ACACB: variants seen among roughly 807,000 people sequenced by gnomAD.
ACACB encodes acetyl-CoA carboxylase beta.
In ACACB, 209 loss-of-function variants were observed where a neutral mutation model predicts 278.8. That is an observed-to-expected ratio of 0.75 (90% CI 0.67 to 0.84). The LOEUF (loss-of-function observed/expected upper bound fraction) is 0.84. ACACB is among the 40% of genes least tolerant of loss of function. ACACB has a pLI of 0.00. For missense variants in ACACB, 2,850 were observed against 3,269.0 expected, an observed-to-expected ratio of 0.87 and a Z score of 3.13; for synonymous variants, 1,174 against 1,285.6, an observed-to-expected ratio of 0.91 and a Z score of 1.86.
chr12:109,227,404 T>G lies in ACACB; in HGVS notation c.3916T>G (p.Leu1306Val). The G allele has an allele frequency of 6.2e-7, 1 of 1,613,486 alleles. No individual in the cohort carries two copies. The highest frequency in any genetic ancestry group is 8.5e-7 in the Non-Finnish European group (1 of 1,179,730). ...YVRRGYIAYE[L>V]NSLQHRQLPD... ...GCGGAGGGGCTACATCGCCTATGAG[T>G]TAAACAGCCTGCAGCACCGGCAGCT... The change falls in exon 28 of 53, where the codon TTA (leucine) becomes GTA (valine). Residue 1306 changes from leucine (L) to valine (V), a missense_variant. By Grantham distance (32) the Leu-to-Val change is conservative. This residue lies in a region of ACACB where 2,265 missense variants were observed against 2,561.3 expected (regional missense o/e 0.88). Transcript: ENST00000338432.
At position 109,258,981 on chromosome 12, in the gene ACACB, G is replaced by A. The variant is rs1341282038; in HGVS notation, c.6369G>A (p.Gln2123=). The A allele has an allele frequency of 6.2e-7, 1 of 1,614,094 alleles. No individual in the cohort carries two copies. Among genetic ancestry groups the A allele is most frequent in the East Asian group, 2.2e-5 (1 of 44,882 alleles). ...GCAGCTCTGTGTTCCAGATAATTCAGCAGGCAGGACAGGTGTGGTTCCCAG... is the reference window on the plus strand; with the variant it reads ...GCAGCTCTGTGTTCCAGATAATTCAACAGGCAGGACAGGTGTGGTTCCCAG... ...ANLDSEAKII[Q]QAGQVWFPDS... is the part of the protein sequence containing the mutation. The change falls in exon 47 of 53, where the codon CAG becomes CAA. Residue 2123 remains glutamine, a synonymous_variant. Coordinates refer to ENST00000338432, the MANE Select transcript of ACACB (RefSeq NM_001093.4).
chr12:109,159,189 G>C (rs1175877993), intron 2 of ACACB, among the ~76,000 whole-genome samples: 1 of 152,316 alleles, frequency 6.6e-6, no homozygotes, highest in East Asian at 1.9e-4. Flanking sequence ...GCGTGGTTTT[G>C]TGCTGTTTGA....
Position 109,210,156 on chromosome 12 carries a change from CGTGTGTAT to C in ACACB, c.3249+804_3249+811del, listed in dbSNP as rs2045703942. On this transcript the variant is annotated intron_variant, in intron 21 of 52. Coordinates refer to ENST00000338432, the MANE Select transcript of ACACB (RefSeq NM_001093.4). ...GTGTGTATATATGTATATATACACA[CGTGTGTAT>C]ATGTATATATGTATATATACACACG... is the stretch of plus-strand genomic sequence containing the variant. Among the ~76,000 whole-genome samples the C allele has an allele frequency of 6.7e-5, 3 of 45,096 alleles. 1 individual carries two copies. Among genetic ancestry groups the C allele is most frequent in the Non-Finnish European group, 1.3e-4 (3 of 23,726 alleles). The allele number at this position is 45,096 out of a possible 152,430, so 29.6% of individuals were successfully genotyped here. A position where few individuals can be genotyped will look rare whatever the true frequency, so the allele number is the denominator to read the frequency against.
intron 1 of ACACB, among the ~76,000 whole-genome samples, chr12:109,124,993 C>T (rs2042643574): frequency 6.6e-6 from 1 of 152,188 alleles, no homozygotes; most frequent in African/African-American, 2.4e-5. Flanking sequence ...GCATTACAGG[C>T]ATGAGCCACT....
In ACACB at chr12:109,265,090, C is replaced by A; in HGVS notation, c.6943-20C>A. ...TCTCCTCCTTCCCTTTCCGGGGATT[C>A]AAGCCTGGCTCGTCCACAGGACATC... On this transcript the variant is annotated intron_variant, in intron 50 of 52. Transcript: ENST00000338432. The A allele has an allele frequency of 6.3e-7, 1 of 1,590,542 alleles. No individual in the cohort carries two copies. The highest frequency in any genetic ancestry group is 8.6e-7 in the Non-Finnish European group (1 of 1,167,710).
chr12:109,168,032 C>T lies in ACACB; in HGVS notation c.923C>T (p.Ala308Val), dbSNP rs763672231. Reference protein sequence around the residue: ...MVTPEDLKANAEYIKMADHYV... With the variant: ...MVTPEDLKANVEYIKMADHYV... ...ACCCCCGAGGACCTTAAGGCCAACG[C>T]AGGTACCTGGGCCTTGACCCTCTCC... The change falls in exon 4 of 53, where the codon GCA becomes GTA. Residue 308 changes from alanine (A) to valine (V), a missense_variant and splice_region_variant. By Grantham distance (64) the Ala-to-Val change is moderately conservative (BLOSUM62 0). Coordinates refer to ENST00000338432, the MANE Select transcript of ACACB (RefSeq NM_001093.4). 6.2e-7 allele frequency: 1 copy of T among 1,606,688 alleles called. No individual in the cohort carries two copies. Among genetic ancestry groups the T allele is most frequent in the South Asian group, 1.1e-5 (1 of 90,032 alleles).
In ACACB at chr12:109,265,208, C is replaced by A; in HGVS notation, c.7041C>A (p.Ser2347Arg). 1 of 1,613,626 alleles carries A rather than the reference C, an allele frequency of 6.2e-7. No individual in the cohort carries two copies. Among genetic ancestry groups the A allele is most frequent in the Non-Finnish European group, 8.5e-7 (1 of 1,180,032 alleles). The change falls in exon 51 of 53, where the codon AGC (serine) becomes AGA (arginine). Residue 2347 changes from serine to arginine, a missense_variant. This residue lies in a region of ACACB where 579 missense variants were observed against 684.6 expected (regional missense o/e 0.85). Coordinates refer to ENST00000338432, the MANE Select transcript of ACACB (RefSeq NM_001093.4). The stretch of plus-strand genomic sequence containing the variant: ...TCAAGCAGGAGATCCTGCAGGCCAG[C>A]GGGGAGCTGAGTCACGTGCATATCC... ...DQVKQEILQA[S>R]GELSHVHIQS...
chr12:109,186,098 T>C (rs1186615769), intron 12 of ACACB, among the ~76,000 whole-genome samples: 1 of 151,736 alleles, frequency 6.6e-6, no homozygotes, highest in Non-Finnish European at 1.5e-5. Flanking sequence ...GCCTGGCTAA[T>C]TTTTGTATTT....
intron 4 of ACACB, among the ~76,000 whole-genome samples, chr12:109,171,153 C>G (rs1363261585): frequency 6.6e-6 from 1 of 151,424 alleles, no homozygotes; most frequent in African/African-American, 2.4e-5. Flanking sequence ...CGTGCCCAGC[C>G]CTATTATATT....
intron 12 of ACACB, among the ~76,000 whole-genome samples, chr12:109,187,431 TTTTATTTATTTATTTATTTA>T (rs59491550): frequency 3.4e-5 from 5 of 146,264 alleles, no homozygotes; most frequent in Admixed American, 1.4e-4. Context: ...AACTCGCTTA[TTTTATTTATTTATTTATTTA>T]TTTATTTATT....
intron 27 of ACACB, 25 bp from the exon 28 acceptor site, chr12:109,227,346 T>A (rs767387908): frequency 1.3e-6 from 2 of 1,597,288 alleles, no homozygotes; most frequent in Non-Finnish European, 8.5e-7. Context: ...CCTGAGAGAA[T>A]GTCCGTGTGT....
At position 109,193,843 on chromosome 12, in the gene ACACB, T is replaced by C. The variant is rs566404856; in HGVS notation, c.2481+114T>C. ...TTGCTCATGCTTGGGTTTGAGCTCT[T>C]GTGTTCCTCGGGAATCCCCATGTAG... On this transcript the variant is annotated intron_variant, in intron 16 of 52. Transcript: ENST00000338432. 201 of 914,482 alleles carry C rather than the reference T, an allele frequency of 2.2e-4. 6 individuals carry two copies. In the South Asian group the frequency reaches 2.9e-3, roughly 13 times the overall value. The allele number at this position is 914,482 out of a possible 1,614,324, so 56.6% of individuals were successfully genotyped here. A position where few individuals can be genotyped will look rare whatever the true frequency, so the allele number is the denominator to read the frequency against.
chr12:109,209,419 C>A, intron 21 of ACACB, 66 bp downstream of exon 21: 1 of 1,494,606 alleles, frequency 6.7e-7, no homozygotes. Flanking sequence ...CCCGGTCTGG[C>A]TCGATATCTG....
intron 19 of ACACB, 101 bp downstream of exon 19, chr12:109,201,802 C>A: frequency 6.9e-7 from 1 of 1,458,972 alleles, no homozygotes; most frequent in Non-Finnish European, 9.2e-7. Flanking sequence ...TAGCGCTTCT[C>A]CTGCCTCCAC....
At chr12:109,181,363 G>A (rs2044464538) in intron 11 of ACACB, among the ~76,000 whole-genome samples, 1 of 151,886 alleles carries the variant, frequency 6.6e-6, no homozygotes, top group East Asian at 1.9e-4. Context: ...TAGTAGTTGG[G>A]ATTACAGGTG....
At chr12:109,169,746 G>A (rs246095) in intron 4 of ACACB, among the ~76,000 whole-genome samples, 71 of 152,016 alleles carry the variant, frequency 4.7e-4, no homozygotes, top group African/African-American at 1.5e-3. Context: ...AGCACTGACC[G>A]GAGTCTGTAG....
At chr12:109,118,637 C>T (rs1422932071) in intron 1 of ACACB, among the ~76,000 whole-genome samples, 1 of 152,116 alleles carries the variant, frequency 6.6e-6, no homozygotes, top group African/African-American at 2.4e-5. Flanking sequence ...TGGTCTCGAA[C>T]TCCTGACCTC....
At chr12:109,242,278 G>A in intron 36 of ACACB, 159 bp from the exon 37 acceptor site, 3 of 722,958 alleles carry the variant, frequency 4.1e-6, no homozygotes, top group African/African-American at 1.8e-5. Flanking sequence ...CCACAGTGGT[G>A]AAGAAGGGAG....
chr12:109,257,384 C>G (rs865923742), intron 45 of ACACB, among the ~76,000 whole-genome samples: 1 of 151,956 alleles, frequency 6.6e-6, no homozygotes, highest in Non-Finnish European at 1.5e-5. Context: ...TGCTCTCCCC[C>G]ACCCCTGCAT....
Sources: allele counts gnomAD v4.1 joint callset (sites outside exome capture counted in the v4.1 genomes callset), GRCh38; gene constraint gnomAD v4.1.1; regional missense constraint gnomAD v4.1.1; transcripts MANE v1.5; gene names NCBI Gene and HGNC (gene_info 2026-07-23, HGNC 2026-07-21).